The following XDH variants were observed in gnomAD, a reference collection of about 807,000 sequenced individuals.
XDH encodes xanthine dehydrogenase.
XDH carries 138 observed loss-of-function variants against 156.1 expected under a neutral mutation model. The observed-to-expected ratio is 0.88, with a 90% CI of 0.77 to 1.02. The LOEUF is 1.02. Ranked by LOEUF, XDH falls within the 50% of genes least tolerant of loss-of-function variation. XDH has a pLI of 0.00. For synonymous variants in XDH, 669 were observed against 625.7 expected (o/e 1.07, Z -1.03); for missense variants, 1,849 against 1,684.9 (o/e 1.10, Z -1.71).
intron 29 of XDH, 83 bp from the exon 30 acceptor site, chr2:31,346,926 G>C: frequency 6.3e-7 from 1 of 1,575,366 alleles, no homozygotes; most frequent in Admixed American, 1.7e-5. Context: ...CCCCAGCAAG[G>C]CTACCTCCAA....
chr2:31,348,315 G>C lies in XDH; in HGVS notation c.3100C>G (p.His1034Asp). Residue 1034 changes from histidine (H) to aspartate (D), a missense_variant, in exon 28 of 36, where the codon CAC becomes GAC. Coordinates refer to ENST00000379416, the MANE Select transcript of XDH (RefSeq NM_000379.4). ...VYTDGSVLLT[H>D]GGTEMGQGLH... is the part of the protein sequence containing the mutation. ...CCTTGGCCCATCTCAGTCCCCCCGTGGGTCAGCAGCACAGAGCCATCTGTG... is the reference window on the plus strand; with the variant it reads ...CCTTGGCCCATCTCAGTCCCCCCGTCGGTCAGCAGCACAGAGCCATCTGTG... The C allele has an allele frequency of 6.2e-7, 1 of 1,614,200 alleles. No homozygotes were observed. The highest frequency in any genetic ancestry group is 8.5e-7 in the Non-Finnish European group (1 of 1,180,036).
rs558003041 is a variant in XDH at position 31,372,289 on chromosome 2, G to A, written c.1795C>T (p.Arg599Cys). Reference sequence around the variant, plus strand: ...CGGAGAGACAGCTCATTCTCGTAGCGAGGAATGTCGTCACAGTACACGGCC... The same window carrying A: ...CGGAGAGACAGCTCATTCTCGTAGCAAGGAATGTCGTCACAGTACACGGCC... ...GEAVYCDDIP[R>C]YENELSLRLV... Residue 599 changes from arginine to cysteine, a missense_variant, in exon 17 of 36, where the codon CGC (arginine) becomes TGC (cysteine). Physicochemically the swap from Arg to Cys is radical, Grantham distance 180. Transcript: ENST00000379416. 43 of 1,614,242 alleles carry A rather than the reference G, an allele frequency of 2.7e-5. No individual in the cohort carries two copies. Among genetic ancestry groups the A allele is most frequent in the South Asian group, 2.5e-4 (23 of 91,080 alleles).
intron 9 of XDH, among the ~76,000 whole-genome samples, chr2:31,385,289 T>C (rs1224662146): frequency 2.6e-5 from 4 of 152,222 alleles, no homozygotes; most frequent in African/African-American, 7.2e-5. Context: ...TGTTGAGCCA[T>C]GGCCATCAAG....
intron 24 of XDH, among the ~76,000 whole-genome samples, chr2:31,363,742 A>C (rs45495991): frequency 0.03 from 4,594 of 152,270 alleles, 206 homozygotes; most frequent in African/African-American, 0.1. Flanking sequence ...ATCGTTGTTA[A>C]CAATTTGATC....
chr2:31,349,890 C>A (rs1685415032), intron 25 of XDH, 59 bp from the exon 26 acceptor site: 3 of 1,612,232 alleles, frequency 1.9e-6, no homozygotes, highest in Non-Finnish European at 2.5e-6. Context: ...GGGGGCAGGG[C>A]ACAACCTAAA....
intron 1 of XDH, among the ~76,000 whole-genome samples, chr2:31,408,251 C>T (rs1687245141): frequency 6.6e-6 from 1 of 152,128 alleles, no homozygotes. Context: ...CCTCTTCCAC[C>T]TGCATTTTGA....
In XDH at chr2:31,387,833, G is replaced by A; in HGVS notation, c.629C>T (p.Pro210Leu). 1 of 1,585,828 alleles carries A rather than the reference G, an allele frequency of 6.3e-7. No homozygotes were observed. The highest frequency in any genetic ancestry group is 8.6e-7 in the Non-Finnish European group (1 of 1,166,360). ...TACCAGCAACTCTGGGGGAAAAATG[G>A]GCTCCTGGGTTGGATCCAGGGGCGT... Reference protein sequence around the residue: ...EFTPLDPTQEPIFPPELLRLK... With the variant: ...EFTPLDPTQELIFPPELLRLK... The change falls in exon 8 of 36, where the codon CCC becomes CTC. Residue 210 changes from proline to leucine, a missense_variant. Coordinates refer to ENST00000379416, the MANE Select transcript of XDH (RefSeq NM_000379.4).
intron 31 of XDH, among the ~76,000 whole-genome samples, chr2:31,343,567 T>C (rs1416998171): frequency 7.5e-5 from 11 of 145,918 alleles, no homozygotes; most frequent in East Asian, 2.1e-4. Context: ...ATAAGGCATA[T>C]ATATATTCAG....
intron 3 of XDH, among the ~76,000 whole-genome samples, chr2:31,402,172 C>G (rs1217638368): frequency 6.6e-6 from 1 of 152,016 alleles, no homozygotes; most frequent in African/African-American, 2.4e-5. Context: ...TAAAAAAAAG[C>G]CTTACGATCA....
chr2:31,386,696 T>C, intron 8 of XDH, 141 bp from the exon 9 acceptor site: 12 of 1,165,712 alleles, frequency 1.0e-5, no homozygotes, highest in East Asian at 2.5e-5. Flanking sequence ...GGGGAAGTAA[T>C]ATGTTCAGAG....
chr2:31,344,573 G>A, intron 31 of XDH, 111 bp downstream of exon 31: 1 of 1,230,718 alleles, frequency 8.1e-7, no homozygotes, highest in Non-Finnish European at 1.2e-6. Flanking sequence ...GAAGAGATAA[G>A]TGGAGCTGCT....
intron 11 of XDH, 137 bp downstream of exon 11, chr2:31,382,864 C>A: frequency 7.7e-7 from 1 of 1,304,290 alleles, no homozygotes; most frequent in Non-Finnish European, 1.1e-6. Flanking sequence ...TGCACTTTAA[C>A]AAGCACTGCT....
Position 31,366,110 on chromosome 2 carries a change from C to G in XDH, c.2323-1G>C. ...CCCCCAACATTTTTGCAACAAAGCT[C>G]TGTGAGTGAAAGACAGAACATTCGC... On this transcript the variant is annotated splice_acceptor_variant, in intron 21 of 35. Coordinates refer to ENST00000379416, the MANE Select transcript of XDH (RefSeq NM_000379.4). LOFTEE classifies it high-confidence loss of function. 2 of 1,614,224 alleles carry G rather than the reference C, an allele frequency of 1.2e-6. No homozygotes were observed. Among genetic ancestry groups the G allele is most frequent in the South Asian group, 2.2e-5 (2 of 91,084 alleles).
In XDH at chr2:31,367,954, G is replaced by A; in HGVS notation, c.2197+7C>T. On this transcript the variant is annotated splice_region_variant and intron_variant, in intron 20 of 35. Coordinates refer to ENST00000379416, the MANE Select transcript of XDH (RefSeq NM_000379.4). ...CCCATTCCCACTGCGGCATGGAACA[G>A]CTCTACCTGACACAACATTATCTGC... 6.2e-7 allele frequency: 1 copy of A among 1,614,024 alleles called. No individual in the cohort carries two copies. Among genetic ancestry groups the A allele is most frequent in the Non-Finnish European group, 8.5e-7 (1 of 1,179,882 alleles).
At chr2:31,355,961 C>A (rs1685612639) in intron 24 of XDH, among the ~76,000 whole-genome samples, 1 of 152,022 alleles carries the variant, frequency 6.6e-6, no homozygotes, top group African/African-American at 2.4e-5. Flanking sequence ...CAAAAGAAAG[C>A]AAGAGTGGCT....
At chr2:31,383,594 A>T (rs147224555) in intron 10 of XDH, among the ~76,000 whole-genome samples, 161 bp downstream of exon 10, 180 of 152,152 alleles carry the variant, frequency 1.2e-3, no homozygotes, top group African/African-American at 4.3e-3. Context: ...TTCAGCAATG[A>T]ATGGGGTCTC....
intron 5 of XDH, among the ~76,000 whole-genome samples, chr2:31,398,089 G>A (rs922449393): frequency 6.6e-6 from 1 of 152,152 alleles, no homozygotes; most frequent in Non-Finnish European, 1.5e-5. Flanking sequence ...TTTTATCCCT[G>A]TGGCATAGGA....
intron 24 of XDH, among the ~76,000 whole-genome samples, chr2:31,362,297 G>A (rs1378854880): frequency 6.6e-6 from 1 of 152,100 alleles, no homozygotes; most frequent in Non-Finnish European, 1.5e-5. Flanking sequence ...ATCCAAAAAG[G>A]GGAGGCTCTC....
Position 31,347,854 on chromosome 2 carries a change from C to G in XDH, c.3148-204G>C, listed in dbSNP as rs139783152. ...TTCGGTTGGATAAAAAATTCATAAA[C>G]TGACAAACAGTGCCTTTTTACACTA... is the stretch of plus-strand genomic sequence containing the variant. On this transcript the variant is annotated intron_variant, in intron 28 of 35. Transcript: ENST00000379416. Among the ~76,000 whole-genome samples, 79 of 152,320 alleles carry G rather than the reference C, an allele frequency of 5.2e-4. No homozygotes were observed. The East Asian group carries it at 0.014, about 28-fold the overall frequency.
Sources: allele counts gnomAD v4.1 joint callset (sites outside exome capture counted in the v4.1 genomes callset), GRCh38; gene constraint gnomAD v4.1.1; transcripts MANE v1.5; gene names NCBI Gene and HGNC (gene_info 2026-07-23, HGNC 2026-07-21).